The following RASSF9 variants were observed in gnomAD, a reference collection of about 807,000 sequenced individuals.
RASSF9 encodes the protein ras association domain-containing protein 9.
RASSF9 carries 18 observed loss-of-function variants against 21.4 expected under a neutral mutation model. The ratio of observed to expected loss-of-function variants is 0.84; its 90% CI spans 0.58 to 1.25. RASSF9 has a LOEUF of 1.25. Among genes scored for constraint, RASSF9 ranks in the 50% most tolerant of loss-of-function variants. RASSF9 has a pLI of 0.00. For missense variants in RASSF9, 480 were observed against 503.2 expected (o/e 0.95, Z 0.44); for synonymous variants, 183 against 179.1 (o/e 1.02, Z -0.18).
chr12:85,823,570 C>A (rs1880263273), intron 1 of RASSF9, among the ~76,000 whole-genome samples: 1 of 152,224 alleles, frequency 6.6e-6, no homozygotes, highest in Admixed American at 6.5e-5. Context: ...TATTTCTTCA[C>A]CCCTTGAATA....
At chr12:85,823,621 C>T (rs1343053189) in intron 1 of RASSF9, among the ~76,000 whole-genome samples, 1 of 152,200 alleles carries the variant, frequency 6.6e-6, no homozygotes, top group East Asian at 1.9e-4. Context: ...GTGGCAAAAA[C>T]CATGTTTGCA....
Position 85,802,985 on chromosome 12 carries a change from G to T in RASSF9, c.*1717C>A, listed in dbSNP as rs1401132885. 3 of 151,990 alleles carry T rather than the reference G, an allele frequency of 2.0e-5. No homozygotes were observed. Among genetic ancestry groups the T allele is most frequent in the African/African-American group, 7.2e-5 (3 of 41,390 alleles). 9.4% of individuals were successfully genotyped at this position (151,990 alleles called of 1,614,324 possible). On this transcript the variant is annotated 3_prime_UTR_variant, in exon 2 of 2. Coordinates refer to ENST00000361228, the MANE Select transcript of RASSF9 (RefSeq NM_005447.4). ...TTTCTTACCAGCCAACTTGAAATAAGACCTGAAAATATCTATTTTGGTACA... is the reference window on the plus strand; with the variant it reads ...TTTCTTACCAGCCAACTTGAAATAATACCTGAAAATATCTATTTTGGTACA...
At chr12:85,818,605 T>C (rs1171232326) in intron 1 of RASSF9, among the ~76,000 whole-genome samples, 1 of 152,184 alleles carries the variant, frequency 6.6e-6, no homozygotes, top group Non-Finnish European at 1.5e-5. Context: ...ATAATTGATT[T>C]TCTTGCAATC....
rs1349461783 is a variant in RASSF9 at position 85,804,627 on chromosome 12, T to G, written c.*75A>C. On this transcript the variant is annotated 3_prime_UTR_variant, in exon 2 of 2. Transcript: ENST00000361228. ...ATGATTTACATTTTTTTGAGTGTTATATTTAAAATGAGGTTTCCTATTAAA... is the reference window on the plus strand; with the variant it reads ...ATGATTTACATTTTTTTGAGTGTTAGATTTAAAATGAGGTTTCCTATTAAA... The G allele has an allele frequency of 6.7e-6, 9 of 1,348,408 alleles. No homozygotes were observed. Among genetic ancestry groups the G allele is most frequent in the African/African-American group, 1.5e-5 (1 of 68,162 alleles). The allele number at this position is 1,348,408 out of a possible 1,614,324, so 83.5% of individuals were successfully genotyped here.
rs1565750797 is a variant in RASSF9, at chr12:85,805,000, C to T, written c.1010G>A (p.Ser337Asn). Residue 337 changes from serine (S) to asparagine (N), a missense_variant, in exon 2 of 2, where the codon AGT (serine) becomes AAT (asparagine). Physicochemically the swap from Ser to Asn is conservative, Grantham distance 46. Coordinates refer to ENST00000361228, the MANE Select transcript of RASSF9 (RefSeq NM_005447.4). ...KAGLKIHSHL[S>N]GIQKEIKYSD... ...GTATTTAATCTCTTTCTGGATGCCACTCAAATGAGAGTGAATTTTCAAACC... is the reference window on the plus strand; with the variant it reads ...GTATTTAATCTCTTTCTGGATGCCATTCAAATGAGAGTGAATTTTCAAACC... 3.1e-6 allele frequency: 5 copies of T among 1,613,900 alleles called. No individual in the cohort carries two copies. Among genetic ancestry groups the T allele is most frequent in the Non-Finnish European group, 4.2e-6 (5 of 1,179,814 alleles).
chr12:85,823,057 G>C (rs542851276), intron 1 of RASSF9, among the ~76,000 whole-genome samples: 2 of 152,146 alleles, frequency 1.3e-5, no homozygotes, highest in East Asian at 3.9e-4. Context: ...AAATTTAGCC[G>C]GTCTTGTTAT....
chr12:85,836,030 G>A lies in RASSF9; in HGVS notation c.47+125C>T. The A allele has an allele frequency of 2.0e-6, 3 of 1,520,344 alleles. No individual in the cohort carries two copies. In the South Asian group the frequency reaches 3.7e-5, roughly 19 times the overall value. The allele number at this position is 1,520,344 out of a possible 1,614,324, so 94.2% of individuals were successfully genotyped here. A position where few individuals can be genotyped will look rare whatever the true frequency, so the allele number is the denominator to read the frequency against. The stretch of plus-strand genomic sequence containing the variant: ...TAGGCTAGGACTGTGTCCCCACGAA[G>A]CCTTTTTTTATCAGAATCTAACAAC... On this transcript the variant is annotated intron_variant, in intron 1 of 1. Transcript: ENST00000361228.
intron 1 of RASSF9, among the ~76,000 whole-genome samples, chr12:85,816,906 T>A (rs1880081184): frequency 6.6e-6 from 1 of 152,140 alleles, no homozygotes; most frequent in Admixed American, 6.6e-5. Context: ...TCACTGTATA[T>A]GGCATTCATA....
At chr12:85,820,090 T>C (rs939639179) in intron 1 of RASSF9, among the ~76,000 whole-genome samples, 2 of 152,302 alleles carry the variant, frequency 1.3e-5, no homozygotes, top group Middle Eastern at 6.8e-3. Flanking sequence ...CCACCACCAG[T>C]TTTTGTATGG....
chr12:85,831,726 A>G (rs1880455721), intron 1 of RASSF9, among the ~76,000 whole-genome samples: 1 of 151,950 alleles, frequency 6.6e-6, no homozygotes, highest in African/African-American at 2.4e-5. Context: ...ATAATTTCCC[A>G]CTCTGCAGAA....
chr12:85,821,937 CAT>C (rs1030622048), intron 1 of RASSF9, among the ~76,000 whole-genome samples: 5 of 152,122 alleles, frequency 3.3e-5, no homozygotes, highest in African/African-American at 1.2e-4. Context: ...AAATATTTAA[CAT>C]GTGTTATTTA....
intron 1 of RASSF9, among the ~76,000 whole-genome samples, chr12:85,833,686 A>G (rs1206389849): frequency 1.3e-5 from 2 of 151,998 alleles, no homozygotes; most frequent in Admixed American, 1.3e-4. Flanking sequence ...CTAACAGTTC[A>G]TATATTTTCC....
rs1879766707 is a variant in RASSF9, at chr12:85,804,360, G to T, written c.*342C>A. 1 of 190,234 alleles carries T rather than the reference G, an allele frequency of 5.3e-6. No homozygotes were observed. The highest frequency in any genetic ancestry group is 2.3e-5 in the African/African-American group (1 of 42,904). 11.8% of individuals were successfully genotyped at this position (190,234 alleles called of 1,614,324 possible). ...TCTACTTCTTCATGTTTGAATATTT[G>T]GACTGTCTAATATTGAGGATTGCTT... On this transcript the variant is annotated 3_prime_UTR_variant, in exon 2 of 2. Coordinates refer to ENST00000361228, the MANE Select transcript of RASSF9 (RefSeq NM_005447.4).
chr12:85,826,055 G>A (rs759267797), intron 1 of RASSF9, among the ~76,000 whole-genome samples: 8 of 152,196 alleles, frequency 5.3e-5, no homozygotes, highest in Non-Finnish European at 1.2e-4. Context: ...AGGGATGAGA[G>A]TGGGTTGGAT....
intron 1 of RASSF9, among the ~76,000 whole-genome samples, chr12:85,826,003 A>G (rs751373817): frequency 2.6e-5 from 4 of 152,176 alleles, no homozygotes; most frequent in African/African-American, 9.7e-5. Flanking sequence ...CTCCAGGTGC[A>G]CTGTACTATT....
Position 85,805,202 on chromosome 12 carries a change from C to G in RASSF9, c.808G>C (p.Glu270Gln), listed in dbSNP as rs1879793529. 2 of 1,613,838 alleles carry G rather than the reference C, an allele frequency of 1.2e-6. No homozygotes were observed. Among genetic ancestry groups the G allele is most frequent in the Non-Finnish European group, 1.7e-6 (2 of 1,179,898 alleles). The change falls in exon 2 of 2, where the codon GAA (glutamate) becomes CAA (glutamine). Residue 270 changes from glutamate to glutamine, a missense_variant. Glu to Gln is a conservative substitution (Grantham distance 29). Coordinates refer to ENST00000361228, the MANE Select transcript of RASSF9 (RefSeq NM_005447.4). ...LSESDGIEQL[E>Q]ERLKYYRILI... ...ATTCGGTAATATTTCAGTCGTTCTT[C>G]CAGCTGTTCAATTCCATCACTTTCG...
At chr12:85,829,609 T>C (rs1230101084) in intron 1 of RASSF9, among the ~76,000 whole-genome samples, 1 of 152,104 alleles carries the variant, frequency 6.6e-6, no homozygotes, top group Non-Finnish European at 1.5e-5. Context: ...CCCTCCTACA[T>C]ATTTTTCTAA....
At chr12:85,806,056 C>G (rs919683735) in intron 1 of RASSF9, 94 bp from the exon 2 acceptor site, 35 of 1,362,000 alleles carry the variant, frequency 2.6e-5, no homozygotes, top group Non-Finnish European at 3.1e-5. Flanking sequence ...AGATTTTTAC[C>G]CTTAATGAGA....
Position 85,804,761 on chromosome 12 carries a change from AACT to A in RASSF9, c.1246_1248del (p.Ser417del). On this transcript the variant is annotated inframe_deletion, in exon 2 of 2. Transcript: ENST00000361228. ...GTTTCGGAGTCCTGACTGTGGTTAGAACTGATACCAGTGTCCGAGTCTGTGTCA... is the reference window on the plus strand; with the variant it reads ...GTTTCGGAGTCCTGACTGTGGTTAGAGATACCAGTGTCCGAGTCTGTGTCA... The A allele has an allele frequency of 1.9e-6, 3 of 1,613,906 alleles. No individual in the cohort carries two copies. The highest frequency in any genetic ancestry group is 2.5e-6 in the Non-Finnish European group (3 of 1,179,794).
Sources: allele counts gnomAD v4.1 joint callset (sites outside exome capture counted in the v4.1 genomes callset), GRCh38; gene constraint gnomAD v4.1.1; transcripts MANE v1.5; gene names NCBI Gene and HGNC (gene_info 2026-07-23, HGNC 2026-07-21).